The following TPPP variants were observed in gnomAD, a reference collection of about 807,000 sequenced individuals.
The protein encoded by TPPP is tubulin polymerization-promoting protein.
TPPP carries 6 observed loss-of-function variants against 15.5 expected under a neutral mutation model. The observed-to-expected ratio is 0.39, with a 90% CI of 0.21 to 0.77. TPPP has a LOEUF of 0.77. Ranked by LOEUF, TPPP falls within the 30% of genes least tolerant of loss-of-function variation. The pLI, the probability that TPPP is intolerant of heterozygous loss-of-function variation, is 0.42. For synonymous variants in TPPP, 146 were observed against 133.9 expected (o/e 1.09, Z -0.63); for missense variants, 269 against 307.2 (o/e 0.88, Z 0.93).
At chr5:681,550 C>G (rs777132033) in intron 1 of TPPP, among the ~76,000 whole-genome samples, 1 of 152,196 alleles carries the variant, frequency 6.6e-6, no homozygotes, top group African/African-American at 2.4e-5. Flanking sequence ...GTAGGAGGGA[C>G]GTGCCAAGCC....
At chr5:675,524 AGTGTGGCCGGGGATGCC>A (rs1279849376) in intron 2 of TPPP, among the ~76,000 whole-genome samples, 14 of 65,344 alleles carry the variant, frequency 2.1e-4, no homozygotes, top group African/African-American at 3.8e-4. Flanking sequence ...CCAGGGGTGC[AGTGTGGCCGGGGATGCC>A]GTGTGGCCGG....
chr5:682,861 A>C (rs570967640), intron 1 of TPPP, among the ~76,000 whole-genome samples: 1 of 152,194 alleles, frequency 6.6e-6, no homozygotes, highest in Non-Finnish European at 1.5e-5. Flanking sequence ...TGCTCACATC[A>C]TCAGCAGTGC....
rs57942070 is a variant in TPPP, at chr5:668,014, C to G, written c.312-1891G>C. On this transcript the variant is annotated intron_variant, in intron 2 of 3. Transcript: ENST00000360578. The stretch of plus-strand genomic sequence containing the variant: ...CGTGTGGGCGCCGTCAGGGAAGTAC[C>G]GACAAGCACACAGAGAGGGGGCCGT... Among the ~76,000 whole-genome samples the G allele has an allele frequency of 1.1e-3, 39 of 36,570 alleles. 1 individual carries two copies. The highest frequency in any genetic ancestry group is 3.0e-3 in the South Asian group (3 of 990). The allele number at this position is 36,570 out of a possible 152,430, so 24.0% of individuals were successfully genotyped here. A position where few individuals can be genotyped will look rare whatever the true frequency, so the allele number is the denominator to read the frequency against.
At chr5:676,826 GCGCACACGTGCA>G (rs1740452994) in intron 2 of TPPP, among the ~76,000 whole-genome samples, 1 of 100,370 alleles carries the variant, frequency 1.0e-5, no homozygotes, top group East Asian at 2.3e-4. Flanking sequence ...ATGCACACAT[GCGCACACGTGCA>G]CACACGACAC....
chr5:685,327 G>A (rs1740737717), intron 1 of TPPP, among the ~76,000 whole-genome samples: 1 of 152,224 alleles, frequency 6.6e-6, no homozygotes, highest in South Asian at 2.1e-4. Context: ...GGAAGTGGGA[G>A]GAGGAGGGCA....
intron 1 of TPPP, among the ~76,000 whole-genome samples, chr5:683,993 A>G (rs1327714765): frequency 1.3e-5 from 2 of 152,126 alleles, no homozygotes; most frequent in Non-Finnish European, 2.9e-5. Flanking sequence ...ACAGCCTTCA[A>G]TCCTGCCCAG....
At chr5:680,537 T>TCACACGGGA (rs1281408700) in intron 1 of TPPP, among the ~76,000 whole-genome samples, 3 of 146,010 alleles carry the variant, frequency 2.1e-5, no homozygotes, top group Admixed American at 6.9e-5. Context: ...CCCATGGCCG[T>TCACACGGGA]CACACGGGAG....
At chr5:696,818 GTGTA>G (rs1741020460), upstream of TPPP, among the ~76,000 whole-genome samples, 4 of 128,902 alleles carry the variant, frequency 3.1e-5, no homozygotes, top group Non-Finnish European at 5.4e-5. Context: ...ATGCATGCCG[GTGTA>G]TGTATGTTGG....
intron 1 of TPPP, chr5:692,856 C>T: frequency 2.2e-6 from 2 of 903,412 alleles, no homozygotes; most frequent in African/African-American, 2.7e-5. Context: ...GCCCTAATTT[C>T]CCACGCCTCA....
At chr5:681,443 C>A (rs749249102) in intron 1 of TPPP, among the ~76,000 whole-genome samples, 6 of 152,208 alleles carry the variant, frequency 3.9e-5, no homozygotes, top group Non-Finnish European at 8.8e-5. Context: ...CACTCCCAGG[C>A]CTGTGCCCGC....
intron 2 of TPPP, among the ~76,000 whole-genome samples, chr5:673,846 A>AC (rs1025573986): frequency 3.7e-4 from 57 of 152,166 alleles, no homozygotes; most frequent in African/African-American, 1.4e-3. Flanking sequence ...GGGTGCCAGC[A>AC]CCCCCACAAG....
At chr5:669,149 AG>A (rs1740087823) in intron 2 of TPPP, among the ~76,000 whole-genome samples, 2 of 152,122 alleles carry the variant, frequency 1.3e-5, no homozygotes, top group African/African-American at 4.8e-5. Flanking sequence ...CTGTGTCCGG[AG>A]GGGGCTTTGG....
At chr5:692,504 CAA>C (rs1257751009) in intron 1 of TPPP, 1 of 856,490 alleles carries the variant, frequency 1.2e-6, no homozygotes. Flanking sequence ...ACAGCCCCCC[CAA>C]AACCCTTATC....
rs1739592820 is a variant in TPPP at position 661,333 on chromosome 5, G to A, written c.*3769C>T. The A allele has an allele frequency of 6.5e-6, 1 of 152,938 alleles. No homozygotes were observed. The highest frequency in any genetic ancestry group is 1.5e-5 in the Non-Finnish European group (1 of 68,806). 9.5% of individuals were successfully genotyped at this position (152,938 alleles called of 1,614,324 possible). On this transcript the variant is annotated 3_prime_UTR_variant, in exon 4 of 4. Coordinates refer to ENST00000360578, the MANE Select transcript of TPPP (RefSeq NM_007030.3). ...CCTCTTGTCACCCCCAACAGAACCT[G>A]TCCCTCTCTCCTGGTGTCACCCATG...
upstream of TPPP, among the ~76,000 whole-genome samples, chr5:698,262 G>C (rs954944957): frequency 2.4e-4 from 36 of 152,132 alleles, 1 homozygote; most frequent in African/African-American, 8.4e-4. Context: ...ATAAGACATG[G>C]ATGCCCACTT....
rs557556191 is a variant in TPPP, at chr5:678,703, G to C, written c.-4-639C>G. On this transcript the variant is annotated intron_variant, in intron 1 of 3. Coordinates refer to ENST00000360578, the MANE Select transcript of TPPP (RefSeq NM_007030.3). ...CCTGGGCCTGGCCCCGGCCAGGGGA[G>C]GGGACTGCCAGTGTGCAGGGCTGAG... 2.0e-5 allele frequency among the ~76,000 whole-genome samples: 3 copies of C among 151,952 alleles called. No individual in the cohort carries two copies. In the South Asian group the frequency reaches 6.2e-4, roughly 31 times the overall value.
intron 2 of TPPP, among the ~76,000 whole-genome samples, chr5:668,573 T>C (rs934879433): frequency 3.3e-5 from 5 of 152,198 alleles, no homozygotes; most frequent in Non-Finnish European, 7.4e-5. Flanking sequence ...CACCTCGAGC[T>C]GAGCAGGCCG....
intron 2 of TPPP, 30 bp from the exon 3 acceptor site, chr5:666,153 G>A: frequency 6.2e-7 from 1 of 1,601,916 alleles, no homozygotes; most frequent in Non-Finnish European, 8.5e-7. Flanking sequence ...TTAGGGCTGG[G>A]CGCGGGCCGG....
intron 1 of TPPP, among the ~76,000 whole-genome samples, chr5:687,179 C>T (rs1740788365): frequency 7.1e-6 from 1 of 140,788 alleles, no homozygotes; most frequent in South Asian, 2.3e-4. Context: ...CCAGAGGAAG[C>T]TGACTCATGA....
Sources: allele counts gnomAD v4.1 joint callset (sites outside exome capture counted in the v4.1 genomes callset), GRCh38; gene constraint gnomAD v4.1.1; transcripts MANE v1.5; gene names NCBI Gene and HGNC (gene_info 2026-07-23, HGNC 2026-07-21).